Variants in SRGAP2 observed in about 807,000 individuals in gnomAD.
SRGAP2 encodes SLIT-ROBO Rho GTPase activating protein 2, also known as SLIT-ROBO Rho GTPase-activating protein 2.
In SRGAP2, 15 loss-of-function variants were observed where a neutral mutation model predicts 57.2. The observed-to-expected ratio is 0.26, with a 90% CI of 0.18 to 0.40. SRGAP2 has a LOEUF of 0.40. Ranked by LOEUF, SRGAP2 falls within the 10% of genes least tolerant of loss-of-function variation. The probability of loss-of-function intolerance (pLI) is 1.00; values close to 1 mark genes in which losing one functional copy is unlikely to be tolerated. For synonymous variants in SRGAP2, 249 were observed against 248.0 expected (o/e 1.00, Z -0.04); for missense variants, 520 against 669.6 (o/e 0.78, Z 2.47).
rs564496035 is a variant in SRGAP2, at chr1:206,221,411, G to C, written c.67+15374G>C. Among the ~76,000 whole-genome samples the C allele has an allele frequency of 6.2e-3, 949 of 152,022 alleles. 12 individuals are homozygous for C. Among genetic ancestry groups the C allele is most frequent in the African/African-American group, 0.022 (918 of 41,450 alleles). ...AAACCATTTTTTTTTTCCGGTTCTGGAGGCTGGGAAGTCCAAGATTGAGGG... is the reference window on the plus strand; with the variant it reads ...AAACCATTTTTTTTTTCCGGTTCTGCAGGCTGGGAAGTCCAAGATTGAGGG... On this transcript the variant is annotated intron_variant, in intron 2 of 22. Transcript: ENST00000573034.
At chr1:206,450,005 G>A (rs1310315670) in intron 18 of SRGAP2, among the ~76,000 whole-genome samples, 1 of 152,180 alleles carries the variant, frequency 6.6e-6, no homozygotes, top group African/African-American at 2.4e-5. Context: ...AGTTTTATCT[G>A]ATGCCGAAAC....
At chr1:206,410,282 C>T (rs1659099695) in intron 10 of SRGAP2, among the ~76,000 whole-genome samples, 2 of 152,202 alleles carry the variant, frequency 1.3e-5, no homozygotes, top group Non-Finnish European at 2.9e-5. Context: ...TATTTGCCCT[C>T]AGTGGTGACA....
intron 3 of SRGAP2, among the ~76,000 whole-genome samples, chr1:206,333,885 GC>G (rs1361168013): frequency 3.3e-5 from 5 of 152,174 alleles, no homozygotes; most frequent in African/African-American, 1.2e-4. Context: ...ACCTGAACTT[GC>G]TAATTTGATC....
rs1385277129 is a variant in SRGAP2 at position 206,230,658 on chromosome 1, G to A, written c.67+24621G>A. Among the ~76,000 whole-genome samples, 3 of 146,472 alleles carry A rather than the reference G, an allele frequency of 2.0e-5. No homozygotes were observed. In the East Asian group the frequency reaches 6.0e-4, roughly 29 times the overall value. On this transcript the variant is annotated intron_variant, in intron 2 of 22. Transcript: ENST00000573034. ...TTTTTTTTTTTTGAGACGGAGTCTC[G>A]CTCTGTCGCCCAGGCTGGAGTGCAG...
rs1553370688 is a variant in SRGAP2, at chr1:206,438,085, G to C, written c.1755G>C (p.Leu585=). ...PLFPKDIFHD[L]MACVTMDNLQ... ...TCCCCAAGGACATCTTTCATGACCT[G>C]ATGGCCTGCGTCAGTAAGTACCATT... Residue 585 remains leucine, a synonymous_variant, in exon 16 of 23, where the codon CTG becomes CTC. Transcript: ENST00000573034. 1.3e-6 allele frequency: 1 copy of C among 780,786 alleles called. No homozygotes were observed. The highest frequency in any genetic ancestry group is 2.4e-5 in the East Asian group (1 of 41,248). 48.4% of individuals were successfully genotyped at this position (780,786 alleles called of 1,614,324 possible).
At chr1:206,416,910 T>C (rs1399577541) in intron 11 of SRGAP2, among the ~76,000 whole-genome samples, 1 of 152,200 alleles carries the variant, frequency 6.6e-6, no homozygotes, top group Admixed American at 6.5e-5. Context: ...AATAAATTCT[T>C]GAGCACTCTT....
chr1:206,387,140 A>AAG (rs1479812777), intron 5 of SRGAP2, among the ~76,000 whole-genome samples: 3 of 151,002 alleles, frequency 2.0e-5, no homozygotes, highest in African/African-American at 7.3e-5. Context: ...AAAAAAAAAA[A>AAG]AAAAAAATAG....
intron 2 of SRGAP2, among the ~76,000 whole-genome samples, chr1:206,279,697 G>C (rs1670621354): frequency 6.7e-6 from 1 of 149,618 alleles, no homozygotes. Flanking sequence ...TGGGATTACA[G>C]GCATAAGCCA....
intron 3 of SRGAP2, among the ~76,000 whole-genome samples, chr1:206,322,692 A>G (rs1355615336): frequency 3.4e-5 from 5 of 146,454 alleles, no homozygotes; most frequent in Non-Finnish European, 7.4e-5. Flanking sequence ...GAGGGCCAAG[A>G]CACAATGTTC....
At chr1:206,415,018 C>G (rs1376513544) in intron 10 of SRGAP2, among the ~76,000 whole-genome samples, 1 of 152,230 alleles carries the variant, frequency 6.6e-6, no homozygotes, top group Non-Finnish European at 1.5e-5. Context: ...TGGATACTAA[C>G]TTTACCACTC....
At chr1:206,290,641 C>CA (rs1237811129) in intron 2 of SRGAP2, among the ~76,000 whole-genome samples, 2,214 of 44,034 alleles carry the variant, frequency 0.05, 115 homozygotes, top group African/African-American at 0.12. Flanking sequence ...GACTCCATCT[C>CA]AAAAAAAAAA....
chr1:206,257,170 A>AC (rs1669238283), intron 2 of SRGAP2, among the ~76,000 whole-genome samples: 1 of 78,350 alleles, frequency 1.3e-5, no homozygotes, highest in African/African-American at 5.2e-5. Flanking sequence ...TTTGCATTTT[A>AC]CTTTTTTTTT....
At chr1:206,214,281 T>C (rs1666503624) in intron 2 of SRGAP2, among the ~76,000 whole-genome samples, 4 of 152,164 alleles carry the variant, frequency 2.6e-5, no homozygotes, top group Non-Finnish European at 4.4e-5. Flanking sequence ...CTGTTGGATG[T>C]TTACCACTTA....
rs114801167 is a variant in SRGAP2, at chr1:206,445,750, A to G, written c.1875-325A>G. Among the ~76,000 whole-genome samples, 1,389 of 152,238 alleles carry G rather than the reference A, an allele frequency of 9.1e-3. 21 individuals carry two copies. The highest frequency in any genetic ancestry group is 0.032 in the African/African-American group (1,328 of 41,530). On this transcript the variant is annotated intron_variant, in intron 17 of 22. Coordinates refer to ENST00000573034, the MANE Select transcript of SRGAP2 (RefSeq NM_015326.5). ...AGCTCTGCAGAGTGACATGTTCTCA[A>G]GGTCATGTGGCCTTTGATAGATAAG... is the stretch of plus-strand genomic sequence containing the variant.
chr1:206,417,175 C>T (rs1659802332), intron 11 of SRGAP2, among the ~76,000 whole-genome samples: 1 of 146,578 alleles, frequency 6.8e-6, no homozygotes, highest in African/African-American at 2.6e-5. Context: ...GCCATCTCGG[C>T]TCACTGCCAA....
intron 2 of SRGAP2, among the ~76,000 whole-genome samples, chr1:206,266,499 T>C (rs1282773110): frequency 1.3e-5 from 2 of 152,224 alleles, no homozygotes; most frequent in Non-Finnish European, 2.9e-5. Flanking sequence ...CGCCTCTGAC[T>C]CCCAAACTGC....
intron 3 of SRGAP2, among the ~76,000 whole-genome samples, chr1:206,307,531 G>A (rs1455228904): frequency 0.013 from 2,027 of 152,176 alleles, 33 homozygotes; most frequent in African/African-American, 0.041. Flanking sequence ...GGCTCCGGCC[G>A]CACAGGAGCC....
At chr1:206,312,509 C>T (rs1553324501) in intron 3 of SRGAP2, among the ~76,000 whole-genome samples, 2 of 151,256 alleles carry the variant, frequency 1.3e-5, no homozygotes. Flanking sequence ...TTGTCCTCTC[C>T]CACATTGCGC....
At chr1:206,286,809 C>T (rs2102704378) in intron 2 of SRGAP2, among the ~76,000 whole-genome samples, 2 of 150,532 alleles carry the variant, frequency 1.3e-5, no homozygotes, top group African/African-American at 5.0e-5. Context: ...TGGGTGTTTG[C>T]TTGCCATGTT....
Sources: allele counts gnomAD v4.1 joint callset (sites outside exome capture counted in the v4.1 genomes callset), GRCh38; gene constraint gnomAD v4.1.1; transcripts MANE v1.5; gene names NCBI Gene and HGNC (gene_info 2026-07-23, HGNC 2026-07-21).